The following BEST3 variants were observed in gnomAD, a reference collection of about 807,000 sequenced individuals.
The protein encoded by BEST3 is bestrophin-3.
Under a neutral mutation model 47.1 loss-of-function variants are expected in BEST3, and 50 were observed. The observed-to-expected ratio is 1.06, with a 90% CI of 0.85 to 1.34. The LOEUF is 1.34. Among genes scored for constraint, BEST3 ranks in the 40% most tolerant of loss-of-function variants. BEST3 has a pLI of 0.00. For synonymous variants in BEST3, 282 were observed against 298.8 expected (o/e 0.94, Z 0.58); for missense variants, 765 against 817.0 (o/e 0.94, Z 0.78).
chr12:69,688,240 G>A (rs1236757464), intron 4 of BEST3, among the ~76,000 whole-genome samples: 3 of 152,052 alleles, frequency 2.0e-5, no homozygotes, highest in Non-Finnish European at 4.4e-5. Context: ...GACTTGACTT[G>A]GAATGAATGA....
rs2135988229 is a variant in BEST3 at position 69,678,842 on chromosome 12, T to A, written c.533A>T (p.His178Leu). ...GATGAATGGAACCCAATATTTCAGATGAGGAGACTTGAGGTGGTTGAATAA... is the reference window on the plus strand; with the variant it reads ...GATGAATGGAACCCAATATTTCAGAAGAGGAGACTTGAGGTGGTTGAATAA... ...RKLFNHLKSPHLKYWVPFIWF... is the reference protein window; with the variant it reads ...RKLFNHLKSPLLKYWVPFIWF... Residue 178 changes from histidine (H) to leucine (L), a missense_variant, in exon 5 of 10, where the codon CAT becomes CTT. By Grantham distance (99) the His-to-Leu change is moderately conservative. Transcript: ENST00000330891. 1 of 1,613,892 alleles carries A rather than the reference T, an allele frequency of 6.2e-7. No homozygotes were observed. Among genetic ancestry groups the A allele is most frequent in the African/African-American group, 1.3e-5 (1 of 75,040 alleles).
intron 4 of BEST3, among the ~76,000 whole-genome samples, chr12:69,686,779 C>CGAAAAAAAAAAAAAAA (rs1555208517): frequency 1.0e-5 from 1 of 99,380 alleles, no homozygotes; most frequent in Non-Finnish European, 2.0e-5. Context: ...CTCAAAAAAA[C>CGAAAAAAAAAAAAAAA]AAAAAAAAAA....
chr12:69,652,978 T>A (rs1178107232), downstream of BEST3, among the ~76,000 whole-genome samples: 4 of 152,170 alleles, frequency 2.6e-5, no homozygotes, highest in East Asian at 7.7e-4. Flanking sequence ...TAGAGAACCA[T>A]CAAGGTATAG....
intron 7 of BEST3, among the ~76,000 whole-genome samples, chr12:69,676,674 A>G (rs895526071): frequency 3.3e-5 from 5 of 152,230 alleles, no homozygotes; most frequent in African/African-American, 4.8e-5. Flanking sequence ...ACAGAGACTT[A>G]AAAGAGAATC....
intron 8 of BEST3, among the ~76,000 whole-genome samples, chr12:69,671,847 T>C (rs549506781): frequency 6.6e-6 from 1 of 152,076 alleles, no homozygotes; most frequent in African/African-American, 2.4e-5. Context: ...TAGAGTGGAG[T>C]TGCCTCTTAG....
intron 5 of BEST3, among the ~76,000 whole-genome samples, 160 bp downstream of exon 5, chr12:69,678,579 T>A (rs1885059552): frequency 1.3e-5 from 2 of 152,244 alleles, no homozygotes; most frequent in Non-Finnish European, 1.5e-5. Context: ...GTGTACCACC[T>A]CTGTCCTGCA....
At chr12:69,656,657 A>G (rs527581244) in intron 9 of BEST3, among the ~76,000 whole-genome samples, 1 of 152,276 alleles carries the variant, frequency 6.6e-6, no homozygotes, top group South Asian at 2.1e-4. Context: ...CTGTATTACT[A>G]TAAAGTGAGG....
At chr12:69,676,078 C>T (rs1884898257) in intron 7 of BEST3, among the ~76,000 whole-genome samples, 1 of 152,108 alleles carries the variant, frequency 6.6e-6, no homozygotes, top group Admixed American at 6.5e-5. Flanking sequence ...TACACACATA[C>T]ATTTGAGGAG....
intron 4 of BEST3, among the ~76,000 whole-genome samples, chr12:69,682,163 G>A (rs894075069): frequency 7.2e-5 from 11 of 151,876 alleles, no homozygotes; most frequent in African/African-American, 2.4e-4. Flanking sequence ...TCTAGGATGA[G>A]GCCAGGCATC....
chr12:69,676,420 A>T lies in BEST3; in HGVS notation c.867+496T>A, dbSNP rs952961593. Among the ~76,000 whole-genome samples the T allele has an allele frequency of 2.1e-4, 8 of 38,418 alleles. No homozygotes were observed. In the Admixed American group the frequency reaches 2.5e-3, roughly 12 times the overall value. 25.2% of individuals were successfully genotyped at this position (38,418 alleles called of 152,430 possible). On this transcript the variant is annotated intron_variant, in intron 7 of 9. Transcript: ENST00000330891. ...AACAAGACTCTGTCTCAGGGAAAGT[A>T]AAAAAAAAAAAAAGAAAATGGGGTA...
At chr12:69,661,057 C>T (rs993412788) in intron 9 of BEST3, 4 of 152,154 alleles carry the variant, frequency 2.6e-5, no homozygotes, top group Non-Finnish European at 5.9e-5. Flanking sequence ...GCTGCCATAA[C>T]AAAGAGGCAA....
intron 9 of BEST3, among the ~76,000 whole-genome samples, chr12:69,645,153 A>G (rs73325752): frequency 0.015 from 2,262 of 152,238 alleles, 55 homozygotes; most frequent in African/African-American, 0.052. Flanking sequence ...TACAGCACAA[A>G]TTTTGCTCTA....
At position 69,655,051 on chromosome 12, in the gene BEST3, T is replaced by C. The variant is rs767880102; in HGVS notation, c.1863A>G (p.Thr621=). The change falls in exon 10 of 10, where the codon ACA becomes ACG. Residue 621 remains threonine (T), a synonymous_variant. Coordinates refer to ENST00000330891, the MANE Select transcript of BEST3 (RefSeq NM_032735.3). ...TCCCACTGATCTCTGAGGATGTTTC[T>C]GTGTCAATTAAAAGAGCTGGCTGAG... ...MSSQPALLID[T]ETSSEISGIN... is the part of the protein sequence containing the mutation. 4.3e-6 allele frequency: 7 copies of C among 1,614,182 alleles called. No individual in the cohort carries two copies. The highest frequency in any genetic ancestry group is 3.3e-5 in the South Asian group (3 of 91,082).
chr12:69,685,035 T>TATTCTATTCTATTATTCC (rs1555208121), intron 4 of BEST3, among the ~76,000 whole-genome samples: 1 of 151,504 alleles, frequency 6.6e-6, no homozygotes, highest in South Asian at 2.1e-4. Context: ...TATTCTATTC[T>TATTCTATTCTATTATTCC]ATTGTTCTCC....
chr12:69,644,441 G>A (rs1003227239), intron 9 of BEST3, among the ~76,000 whole-genome samples: 5 of 152,174 alleles, frequency 3.3e-5, no homozygotes, highest in Non-Finnish European at 7.3e-5. Context: ...TGAAATAGGG[G>A]GAGGAGGATT....
At chr12:69,663,450 G>A (rs778201369) in intron 9 of BEST3, among the ~76,000 whole-genome samples, 1 of 152,186 alleles carries the variant, frequency 6.6e-6, no homozygotes, top group Non-Finnish European at 1.5e-5. Context: ...TACATACAAT[G>A]TTCTTTTGGC....
At chr12:69,670,302 G>A in intron 9 of BEST3, 1 of 620,124 alleles carries the variant, frequency 1.6e-6, no homozygotes, top group South Asian at 1.9e-5. Flanking sequence ...GGGTGGGTCT[G>A]GTCTTAGAAG....
chr12:69,663,981 A>G (rs773736884), intron 9 of BEST3, among the ~76,000 whole-genome samples: 1 of 152,216 alleles, frequency 6.6e-6, no homozygotes, highest in African/African-American at 2.4e-5. Context: ...ATACTTTTTC[A>G]TTGCTTATTA....
chr12:69,644,365 A>C (rs533420978), intron 9 of BEST3, among the ~76,000 whole-genome samples: 35 of 152,364 alleles, frequency 2.3e-4, no homozygotes, highest in African/African-American at 8.2e-4. Context: ...ATAACTTTAA[A>C]AAAATTTCTT....
Sources: gnomAD v4.1 joint callset for allele counts (sites outside exome capture counted in the v4.1 genomes callset) on GRCh38, gnomAD v4.1.1 for gene constraint, MANE v1.5 for transcripts, NCBI Gene and HGNC (gene_info 2026-07-23, HGNC 2026-07-21) for gene names.